UGT1A6: variants seen among roughly 807,000 people sequenced by gnomAD.
UGT1A6 encodes UDP-glucuronosyltransferase 1A6.
In UGT1A6, 32 loss-of-function variants were observed where a neutral mutation model predicts 44.4. The observed-to-expected ratio is 0.72, with a 90% CI of 0.54 to 0.97. The LOEUF (loss-of-function observed/expected upper bound fraction) is 0.97. Among genes scored for constraint, UGT1A6 ranks in the 50% least tolerant of loss-of-function variants. The pLI is 0.00. For synonymous variants in UGT1A6, 238 were observed against 248.5 expected, an observed-to-expected ratio of 0.96 and a Z score of 0.40; for missense variants, 685 against 661.9, an observed-to-expected ratio of 1.03 and a Z score of -0.38.
intron 1 of UGT1A6, chr2:233,742,995 C>A (rs1168922692): frequency 4.3e-6 from 1 of 233,716 alleles, no homozygotes; most frequent in African/African-American, 2.3e-5. Flanking sequence ...TAGCAAATTG[C>A]ATACAGATAT....
intron 1 of UGT1A6, among the ~76,000 whole-genome samples, chr2:233,695,025 T>A (rs371221092): frequency 5.5e-4 from 84 of 152,350 alleles, no homozygotes; most frequent in African/African-American, 2.0e-3. Context: ...TGAACTGCAG[T>A]ATACATTCTT....
At chr2:233,729,329 A>G in intron 1 of UGT1A6, 1 of 1,614,260 alleles carries the variant, frequency 6.2e-7, no homozygotes, top group East Asian at 2.2e-5. Flanking sequence ...GTGAATATGC[A>G]CATCAAAGAA....
chr2:233,700,940 A>G (rs972837760), intron 1 of UGT1A6, among the ~76,000 whole-genome samples: 3 of 151,922 alleles, frequency 2.0e-5, no homozygotes, highest in Non-Finnish European at 4.4e-5. Flanking sequence ...TGATTGTTCA[A>G]TTCCCACCTA....
intron 1 of UGT1A6, among the ~76,000 whole-genome samples, chr2:233,732,370 CTA>C (rs2078265306): frequency 6.6e-6 from 1 of 152,226 alleles, no homozygotes; most frequent in African/African-American, 2.4e-5. Context: ...TGGCCCATGC[CTA>C]TGTCTTCTAG....
At chr2:233,710,205 G>C (rs766804626) in intron 1 of UGT1A6, among the ~76,000 whole-genome samples, 1 of 152,228 alleles carries the variant, frequency 6.6e-6, no homozygotes, top group Admixed American at 6.5e-5. Context: ...CCAGTTGTTG[G>C]CTATTATGAA....
At position 233,772,405 on chromosome 2, in the gene UGT1A6, G is replaced by T. The variant is rs1176419046; in HGVS notation, c.1445G>T (p.Trp482Leu). Residue 482 changes from tryptophan to leucine, a missense_variant, in exon 5 of 5, where the codon TGG (tryptophan) becomes TTG (leucine). Coordinates refer to ENST00000305139, the MANE Select transcript of UGT1A6 (RefSeq NM_001072.4). ...CGCCCCGCAGCCCACGACCTCACCT[G>T]GTACCAGTACCATTCCTTGGACGTG... ...HLRPAAHDLTWYQYHSLDVIG... is the reference protein window; with the variant it reads ...HLRPAAHDLTLYQYHSLDVIG... 1.2e-6 allele frequency: 2 copies of T among 1,614,224 alleles called. No individual in the cohort carries two copies. Among genetic ancestry groups the T allele is most frequent in the South Asian group, 1.1e-5 (1 of 91,090 alleles).
At chr2:233,706,059 C>CA (rs1405552765) in intron 1 of UGT1A6, among the ~76,000 whole-genome samples, 1 of 152,160 alleles carries the variant, frequency 6.6e-6, no homozygotes, top group Admixed American at 6.5e-5. Flanking sequence ...CACGCCACTG[C>CA]ATGCCAGCCT....
chr2:233,722,088 C>T (rs983768867), intron 1 of UGT1A6: 6 of 215,248 alleles, frequency 2.8e-5, no homozygotes, highest in African/African-American at 1.4e-4. Context: ...CACAGATCAC[C>T]TTAGGCCTCT....
chr2:233,703,357 C>T (rs1254530363), intron 1 of UGT1A6, among the ~76,000 whole-genome samples: 1 of 151,876 alleles, frequency 6.6e-6, no homozygotes, highest in Non-Finnish European at 1.5e-5. Flanking sequence ...GTTAATCTAA[C>T]TTTAGGTTTA....
chr2:233,705,781 C>T (rs754903994), intron 1 of UGT1A6, among the ~76,000 whole-genome samples: 16 of 152,258 alleles, frequency 1.1e-4, no homozygotes, highest in Non-Finnish European at 2.2e-4. Flanking sequence ...TGTCTTAGTG[C>T]AAAATGCCCC....
At chr2:233,767,763 C>T (rs34082659) in intron 2 of UGT1A6, 86 bp from the exon 3 acceptor site, 28,610 of 1,607,468 alleles carry the variant, frequency 0.018, 380 homozygotes, top group Admixed American at 0.044. Flanking sequence ...CTTCAGAGGA[C>T]CCCTGTTTTC....
chr2:233,743,154 T>C (rs3796088), intron 1 of UGT1A6: 32,247 of 360,776 alleles, frequency 0.089, 2,110 homozygotes, highest in East Asian at 0.21. Context: ...CCGCTATTCC[T>C]CCAGATGTGC....
upstream of UGT1A6, chr2:233,692,794 A>G: frequency 7.3e-7 from 1 of 1,378,838 alleles, no homozygotes; most frequent in Non-Finnish European, 9.4e-7. Context: ...GTGAAAGCTG[A>G]CACGGCCATA....
At chr2:233,712,435 A>T (rs1228007796) in intron 1 of UGT1A6, among the ~76,000 whole-genome samples, 6 of 152,204 alleles carry the variant, frequency 3.9e-5, no homozygotes, top group Admixed American at 3.9e-4. Flanking sequence ...TCCTGGTGTG[A>T]AAAACGACCA....
At position 233,769,547 on chromosome 2, in the gene UGT1A6, G is replaced by A; in HGVS notation, c.1301+1108G>A. 1 of 1,612,856 alleles carries A rather than the reference G, an allele frequency of 6.2e-7. No individual in the cohort carries two copies. Among genetic ancestry groups the A allele is most frequent in the Non-Finnish European group, 8.5e-7 (1 of 1,179,826 alleles). On this transcript the variant is annotated intron_variant, in intron 4 of 4. Coordinates refer to ENST00000305139, the MANE Select transcript of UGT1A6 (RefSeq NM_001072.4). This position sits in a 1 kb window ranked among gnomAD's most constrained non-coding sequence, Gnocchi z 4.4. ...CTCCTTTAGAAAGAAGCAGCAGTCA[G>A]GAAGACAGATGTGAAGAGCTGGAGC...
chr2:233,719,021 G>A (rs751307422), intron 1 of UGT1A6: 3 of 1,614,262 alleles, frequency 1.9e-6, no homozygotes, highest in Non-Finnish European at 2.5e-6. Context: ...AGGTGAATAT[G>A]CACATCAAAG....
At chr2:233,739,309 A>G (rs1691043770) in intron 1 of UGT1A6, among the ~76,000 whole-genome samples, 1 of 152,132 alleles carries the variant, frequency 6.6e-6, no homozygotes. Flanking sequence ...TGCCTAGTGG[A>G]GTTGTGAGAA....
At chr2:233,725,539 A>G (rs980471563) in intron 1 of UGT1A6, among the ~76,000 whole-genome samples, 6 of 152,146 alleles carry the variant, frequency 3.9e-5, no homozygotes, top group African/African-American at 1.4e-4. Context: ...CAGACATATC[A>G]CAAATATTAT....
intron 1 of UGT1A6, among the ~76,000 whole-genome samples, chr2:233,757,257 G>C (rs1486497078): frequency 6.8e-6 from 1 of 147,916 alleles, no homozygotes; most frequent in Non-Finnish European, 1.5e-5. Flanking sequence ...GGTTATTCAG[G>C]TGGCAGCCGA....
Sources: allele counts gnomAD v4.1 joint callset (sites outside exome capture counted in the v4.1 genomes callset), GRCh38; gene constraint gnomAD v4.1.1; non-coding constraint Gnocchi (gnomAD v3.1); transcripts MANE v1.5; gene names NCBI Gene and HGNC (gene_info 2026-07-23, HGNC 2026-07-21).